The following DAAM2 variants were observed in gnomAD, a reference collection of about 807,000 sequenced individuals.
DAAM2 encodes the protein dishevelled associated activator of morphogenesis 2, also known as disheveled-associated activator of morphogenesis 2.
DAAM2 carries 39 observed loss-of-function variants against 120.7 expected under a neutral mutation model. The ratio of observed to expected loss-of-function variants is 0.32; its 90% CI spans 0.25 to 0.42. The LOEUF (loss-of-function observed/expected upper bound fraction) is 0.42, where lower values mean the gene tolerates loss of function less well. Among genes scored for constraint, DAAM2 ranks in the 10% least tolerant of loss-of-function variants. The probability of loss-of-function intolerance (pLI) is 1.00; values close to 1 mark genes in which losing one functional copy is unlikely to be tolerated. For missense variants in DAAM2, 1,283 were observed against 1,401.7 expected, an observed-to-expected ratio of 0.92 and a Z score of 1.35; for synonymous variants, 488 against 524.9, an observed-to-expected ratio of 0.93 and a Z score of 0.96.
At chr6:39,821,644 A>T (rs1319393172) in intron 1 of DAAM2, 1 of 152,190 alleles carries the variant, frequency 6.6e-6, no homozygotes, top group Admixed American at 6.5e-5. Flanking sequence ...ACTTGGGGAT[A>T]GCCCCCCACC....
At chr6:39,792,727 A>T (rs1043356470) in intron 1 of DAAM2, among the ~76,000 whole-genome samples, 11 of 152,196 alleles carry the variant, frequency 7.2e-5, no homozygotes, top group African/African-American at 2.7e-4. Flanking sequence ...GTACTGGCAC[A>T]TCTGGACATA....
Position 39,901,514 on chromosome 6 carries a change from G to A in DAAM2, c.2982+42G>A. On this transcript the variant is annotated intron_variant, in intron 24 of 24. Transcript: ENST00000274867. This position sits in a 1 kb window ranked among gnomAD's most constrained non-coding sequence, Gnocchi z 4.5. ...GGCCTGGGACTGAGGGGAGACGGGT[G>A]CTACTTGGGGAGAACACCCCCAAAC... 9 of 1,573,822 alleles carry A rather than the reference G, an allele frequency of 5.7e-6. No homozygotes were observed. The highest frequency in any genetic ancestry group is 6.9e-6 in the Non-Finnish European group (8 of 1,165,022).
intron 18 of DAAM2, 82 bp downstream of exon 18, chr6:39,891,529 G>A: frequency 1.3e-6 from 2 of 1,509,418 alleles, no homozygotes; most frequent in Non-Finnish European, 9.1e-7. Flanking sequence ...AGAGGAAGGG[G>A]ATGGAGGTGG....
chr6:39,805,437 T>C (rs1761980343), intron 1 of DAAM2, among the ~76,000 whole-genome samples: 1 of 152,238 alleles, frequency 6.6e-6, no homozygotes, highest in South Asian at 2.1e-4. Context: ...CACATAGTTT[T>C]CTTTCCATTG....
Position 39,878,254 on chromosome 6 carries a change from C to T in DAAM2, c.1353C>T (p.Phe451=), listed in dbSNP as rs548803809. 2.5e-6 allele frequency: 4 copies of T among 1,613,970 alleles called. No homozygotes were observed. The African/African-American group carries it at 5.3e-5, about 22-fold the overall frequency. The change falls in exon 12 of 25, where the codon TTC becomes TTT. Residue 451 remains phenylalanine (F), a synonymous_variant. Coordinates refer to ENST00000274867, the MANE Select transcript of DAAM2 (RefSeq NM_001201427.2). The surrounding 1 kb of genome is among the most constrained non-coding windows in gnomAD (Gnocchi z 5.0). ...VKQWRDQAEK[F]RKEHMELVSR... ...AGTGGCGAGACCAGGCAGAGAAGTT[C>T]CGGAAAGGTGAGGGGCTCTGCTTAA...
intron 1 of DAAM2, among the ~76,000 whole-genome samples, chr6:39,838,063 A>G (rs1244869756): frequency 2.6e-5 from 4 of 152,154 alleles, no homozygotes; most frequent in Non-Finnish European, 5.9e-5. Flanking sequence ...TCTGGTAGGG[A>G]TTTGCAGAAG....
chr6:39,811,128 T>G (rs887693632), intron 1 of DAAM2, among the ~76,000 whole-genome samples: 2 of 151,946 alleles, frequency 1.3e-5, no homozygotes, highest in Admixed American at 6.6e-5. Context: ...AAGGCAGATA[T>G]TCTTAGAAAC....
At chr6:39,857,970 T>C (rs1341755376) in intron 2 of DAAM2, among the ~76,000 whole-genome samples, 1 of 151,494 alleles carries the variant, frequency 6.6e-6, no homozygotes, top group Non-Finnish European at 1.5e-5. Context: ...GGTGGGGGCA[T>C]GGGAGTGTCT....
Position 39,902,005 on chromosome 6 carries a change from C to G in DAAM2, c.3175C>G (p.Arg1059Gly), listed in dbSNP as rs779623397. ...RSGSQALEVT[R>G]ERAINRLNY ...AGGGAGCCAGGCCCTGGAAGTTACC[C>G]GGGAGCGGGCAATAAACCGGCTAAA... The change falls in exon 25 of 25, where the codon CGG becomes GGG. Residue 1059 changes from arginine to glycine, a missense_variant. By Grantham distance (125) the Arg-to-Gly change is moderately radical (BLOSUM62 -2). This residue lies in a region of DAAM2 where 748 missense variants were observed against 768.6 expected (regional missense o/e 0.97). Transcript: ENST00000274867. The G allele has an allele frequency of 3.1e-6, 5 of 1,610,270 alleles. No individual in the cohort carries two copies. In the East Asian group the frequency reaches 1.1e-4, roughly 36 times the overall value.
chr6:39,890,338 T>C (rs945317114), intron 17 of DAAM2, among the ~76,000 whole-genome samples: 1 of 152,180 alleles, frequency 6.6e-6, no homozygotes, highest in Non-Finnish European at 1.5e-5. Flanking sequence ...ACTCTATTTA[T>C]AGCAACTTTA....
intron 3 of DAAM2, 132 bp downstream of exon 3, chr6:39,861,149 C>T (rs1764196023): frequency 2.7e-6 from 2 of 746,952 alleles, no homozygotes; most frequent in African/African-American, 1.7e-5. Flanking sequence ...GGAGGAACAA[C>T]AGTGAATAAA....
At chr6:39,793,380 G>A (rs1038660747) in intron 1 of DAAM2, among the ~76,000 whole-genome samples, 3 of 151,928 alleles carry the variant, frequency 2.0e-5, no homozygotes, top group African/African-American at 4.8e-5. Context: ...GGGCGGTGGG[G>A]GAGAGGGAGA....
chr6:39,827,699 G>A lies in DAAM2; in HGVS notation c.-56-28548G>A, dbSNP rs537521079. On this transcript the variant is annotated intron_variant, in intron 1 of 24. Transcript: ENST00000274867. ...CTCTTCAGGGTCTCTGTCTTTGTGTGAAGTGTGATACCCCTTGACCCCCTT... is the reference window on the plus strand; with the variant it reads ...CTCTTCAGGGTCTCTGTCTTTGTGTAAAGTGTGATACCCCTTGACCCCCTT... Among the ~76,000 whole-genome samples, 4 of 152,274 alleles carry A rather than the reference G, an allele frequency of 2.6e-5. No individual in the cohort carries two copies. In the South Asian group the frequency reaches 8.3e-4, roughly 32 times the overall value.
At position 39,878,678 on chromosome 6, in the gene DAAM2, A is replaced by G; in HGVS notation, c.1545+90A>G. On this transcript the variant is annotated intron_variant, in intron 13 of 24. Transcript: ENST00000274867. This position sits in a 1 kb window ranked among gnomAD's most constrained non-coding sequence, Gnocchi z 5.0. The stretch of plus-strand genomic sequence containing the variant: ...AGAGCAGGTGTCGGAGAGGCCAAGG[A>G]CCCCAGCATGAGGGAGAAGGGAGAT... The G allele has an allele frequency of 7.5e-7, 1 of 1,342,094 alleles. No homozygotes were observed. The highest frequency in any genetic ancestry group is 1.0e-6 in the Non-Finnish European group (1 of 984,846). 83.1% of individuals were successfully genotyped at this position (1,342,094 alleles called of 1,614,324 possible).
chr6:39,859,287 G>A (rs539810730), intron 2 of DAAM2, among the ~76,000 whole-genome samples: 24 of 152,172 alleles, frequency 1.6e-4, no homozygotes, highest in Non-Finnish European at 3.1e-4. Flanking sequence ...TTGAAGAGGT[G>A]CAGAGTTTGT....
At chr6:39,844,377 C>T (rs1763479288) in intron 1 of DAAM2, among the ~76,000 whole-genome samples, 1 of 151,326 alleles carries the variant, frequency 6.6e-6, no homozygotes, top group South Asian at 2.1e-4. Flanking sequence ...GCTGGACACA[C>T]ACACACACAC....
At chr6:39,897,706 T>C (rs1200554536) in intron 21 of DAAM2, among the ~76,000 whole-genome samples, 2 of 152,204 alleles carry the variant, frequency 1.3e-5, no homozygotes, top group East Asian at 3.8e-4. Context: ...ATACATCGCA[T>C]GTCTCATTAG....
chr6:39,844,095 C>T (rs571749879), intron 1 of DAAM2, among the ~76,000 whole-genome samples: 2 of 152,152 alleles, frequency 1.3e-5, no homozygotes, highest in East Asian at 3.9e-4. Context: ...TGCTAGCATA[C>T]TTAAATAATA....
In DAAM2 at chr6:39,800,471, C is replaced by T. The variant is rs562864707; in HGVS notation, c.-57+8006C>T. 5.9e-5 allele frequency among the ~76,000 whole-genome samples: 9 copies of T among 152,306 alleles called. 1 individual carries two copies. The South Asian group carries it at 6.2e-4, about 11-fold the overall frequency. On this transcript the variant is annotated intron_variant, in intron 1 of 24. Coordinates refer to ENST00000274867, the MANE Select transcript of DAAM2 (RefSeq NM_001201427.2). ...GGAGAACAGTTTTGATGGAGCAAAT[C>T]GGGCAGCATAGTATAATGGCCAAGC...
Sources: allele counts gnomAD v4.1 joint callset (sites outside exome capture counted in the v4.1 genomes callset), GRCh38; gene constraint gnomAD v4.1.1; regional missense constraint gnomAD v4.1.1; non-coding constraint Gnocchi (gnomAD v3.1); transcripts MANE v1.5; gene names NCBI Gene and HGNC (gene_info 2026-07-23, HGNC 2026-07-21).